RALYL: variants seen among roughly 807,000 people sequenced by gnomAD.
RALYL encodes the protein RALY RNA binding protein like, also known as RNA-binding Raly-like protein.
A neutral mutation model predicts 35.1 loss-of-function variants in RALYL; 29 were observed. That is an observed-to-expected ratio of 0.83 (90% confidence interval 0.61 to 1.13). The LOEUF (loss-of-function observed/expected upper bound fraction) is 1.13, where lower values mean the gene tolerates loss of function less well. Ranked by LOEUF, RALYL falls within the 50% of genes most tolerant of loss-of-function variation. RALYL has a pLI of 0.00. For synonymous variants in RALYL, 120 were observed against 127.6 expected, an observed-to-expected ratio of 0.94 and a Z score of 0.40; for missense variants, 359 against 360.4, an observed-to-expected ratio of 1.00 and a Z score of 0.03.
At chr8:84,313,072 T>G (rs73306921) in intron 1 of RALYL, among the ~76,000 whole-genome samples, 7,213 of 152,210 alleles carry the variant, frequency 0.047, 266 homozygotes, top group African/African-American at 0.083. Context: ...ACACCTGCAG[T>G]CCCAACATCA....
intron 1 of RALYL, among the ~76,000 whole-genome samples, chr8:84,429,177 A>T (rs576163769): frequency 7.2e-5 from 11 of 152,296 alleles, no homozygotes; most frequent in Admixed American, 6.5e-4. Flanking sequence ...TTACAAAAGC[A>T]TGGTGTTGGA....
chr8:84,530,487 TAAAAAAAAA>T (rs11357141), intron 2 of RALYL, among the ~76,000 whole-genome samples: 1 of 143,918 alleles, frequency 6.9e-6, no homozygotes, highest in Non-Finnish European at 1.5e-5. Flanking sequence ...TTATCCAGTT[TAAAAAAAAA>T]AAAAAACTTT....
chr8:84,898,956 G>A (rs1195557516), intron 8 of RALYL, among the ~76,000 whole-genome samples: 2 of 152,218 alleles, frequency 1.3e-5, no homozygotes, highest in South Asian at 2.1e-4. Flanking sequence ...AAAACCGTTT[G>A]AGCCAGGGTG....
intron 1 of RALYL, among the ~76,000 whole-genome samples, chr8:84,503,320 A>AT (rs551446229): frequency 0.036 from 4,882 of 135,074 alleles, 174 homozygotes; most frequent in African/African-American, 0.096. Flanking sequence ...TGCCTGGCTA[A>AT]TTTTTTTTTT....
chr8:84,652,517 C>A (rs1829057598), intron 2 of RALYL, among the ~76,000 whole-genome samples: 1 of 152,010 alleles, frequency 6.6e-6, no homozygotes, highest in South Asian at 2.1e-4. Context: ...AACAAGTGAA[C>A]ATATTTATTC....
At chr8:84,416,994 T>C (rs914742861) in intron 1 of RALYL, among the ~76,000 whole-genome samples, 2 of 152,180 alleles carry the variant, frequency 1.3e-5, no homozygotes, top group African/African-American at 2.4e-5. Context: ...CTTCCTTTTT[T>C]CCTTCCTTTT....
At chr8:84,559,887 G>A (rs1331871907) in intron 2 of RALYL, among the ~76,000 whole-genome samples, 1 of 151,782 alleles carries the variant, frequency 6.6e-6, no homozygotes, top group African/African-American at 2.4e-5. Context: ...GAGACACTGG[G>A]CTGGGTTATG....
intron 4 of RALYL, among the ~76,000 whole-genome samples, chr8:84,807,167 C>A (rs1171825162): frequency 1.3e-5 from 2 of 152,174 alleles, no homozygotes; most frequent in African/African-American, 4.8e-5. Flanking sequence ...CCCCTCCCAA[C>A]CTTCCCACCC....
At chr8:84,904,363 C>T (rs1208945593) in intron 8 of RALYL, among the ~76,000 whole-genome samples, 2 of 152,050 alleles carry the variant, frequency 1.3e-5, no homozygotes, top group Non-Finnish European at 2.9e-5. Flanking sequence ...CCTGTGCTTT[C>T]TAAATTTCTA....
At chr8:84,605,939 A>G (rs1012015473) in intron 2 of RALYL, among the ~76,000 whole-genome samples, 4 of 152,252 alleles carry the variant, frequency 2.6e-5, no homozygotes, top group Admixed American at 2.6e-4. Context: ...AAGTATAGCC[A>G]GAGTTATTTG....
intron 1 of RALYL, among the ~76,000 whole-genome samples, chr8:84,202,819 TA>T (rs1817213626): frequency 6.6e-6 from 1 of 152,254 alleles, no homozygotes. Flanking sequence ...AAAAACTTGC[TA>T]AATGTATTTT....
At chr8:84,215,210 C>T (rs1820504876) in intron 1 of RALYL, among the ~76,000 whole-genome samples, 5 of 152,026 alleles carry the variant, frequency 3.3e-5, no homozygotes, top group Admixed American at 3.3e-4. Context: ...AAATATAGTA[C>T]ACATTTTAAT....
At chr8:84,418,914 A>G (rs1404396131) in intron 1 of RALYL, among the ~76,000 whole-genome samples, 1 of 151,960 alleles carries the variant, frequency 6.6e-6, no homozygotes, top group South Asian at 2.1e-4. Flanking sequence ...CCTCATTTCC[A>G]TCTTAAGTAG....
intron 2 of RALYL, among the ~76,000 whole-genome samples, chr8:84,581,306 CACA>C (rs1810771928): frequency 6.6e-6 from 1 of 152,166 alleles, no homozygotes; most frequent in African/African-American, 2.4e-5. Context: ...ACAATGATCA[CACA>C]ACTTTTCTTT....
chr8:84,262,076 T>C (rs1563629623), intron 1 of RALYL, among the ~76,000 whole-genome samples: 1 of 152,142 alleles, frequency 6.6e-6, no homozygotes, highest in African/African-American at 2.4e-5. Flanking sequence ...TAAATTCAGC[T>C]CTGTTCTGTT....
intron 2 of RALYL, among the ~76,000 whole-genome samples, chr8:84,774,232 A>G (rs1816292641): frequency 6.6e-6 from 1 of 152,192 alleles, no homozygotes; most frequent in African/African-American, 2.4e-5. Context: ...GGGAAAAAAG[A>G]AAAGCATTTT....
chr8:84,436,666 G>A (rs991157386), intron 1 of RALYL, among the ~76,000 whole-genome samples: 4 of 147,066 alleles, frequency 2.7e-5, no homozygotes, highest in African/African-American at 1.0e-4. Flanking sequence ...CTTTATTGGG[G>A]TATAATTGAT....
intron 1 of RALYL, among the ~76,000 whole-genome samples, chr8:84,285,305 A>G (rs1187245674): frequency 2.6e-5 from 4 of 152,244 alleles, no homozygotes; most frequent in Non-Finnish European, 5.9e-5. Flanking sequence ...TCATTTAAGT[A>G]TATATTCTAG....
chr8:84,916,830 G>A (rs1054985983), intron 8 of RALYL, among the ~76,000 whole-genome samples: 2 of 151,870 alleles, frequency 1.3e-5, no homozygotes, highest in East Asian at 3.9e-4. Context: ...TTTATACTGT[G>A]TCTATAAATC....
Sources: gnomAD v4.1 joint callset for allele counts (sites outside exome capture counted in the v4.1 genomes callset) on GRCh38, gnomAD v4.1.1 for gene constraint, MANE v1.5 for transcripts, NCBI Gene and HGNC (gene_info 2026-07-23, HGNC 2026-07-21) for gene names.